Variants in CAMK2D observed in about 807,000 individuals in gnomAD.
CAMK2D encodes the protein calcium/calmodulin dependent protein kinase II delta, also known as calcium/calmodulin-dependent protein kinase type II subunit delta.
Under a neutral mutation model 84.0 loss-of-function variants are expected in CAMK2D, and 37 were observed. That is an observed-to-expected ratio of 0.44 (90% CI 0.34 to 0.58). The LOEUF is 0.58. CAMK2D is among the 20% of genes least tolerant of loss of function. The pLI is 0.02. For synonymous variants in CAMK2D, 202 were observed against 212.5 expected, an observed-to-expected ratio of 0.95 and a Z score of 0.43; for missense variants, 448 against 652.5, an observed-to-expected ratio of 0.69 and a Z score of 3.41.
Position 113,661,704 on chromosome 4 carries a change from C to T in CAMK2D, c.220+9G>A, listed in dbSNP as rs3775975. ...TAACATTTAAAAAACATTAAAAATA[C>T]GTTCTCACCAATATTAGGGTGCTTC... On this transcript the variant is annotated intron_variant, in intron 3 of 20. Transcript: ENST00000511664. 0.061 allele frequency: 77,031 copies of T among 1,264,376 alleles called. 3,507 individuals carry two copies. The highest frequency in any genetic ancestry group is 0.21 in the East Asian group (8,097 of 38,772). 78.3% of individuals were successfully genotyped at this position (1,264,376 alleles called of 1,614,324 possible). A position where few individuals can be genotyped will look rare whatever the true frequency, so the allele number is the denominator to read the frequency against.
intron 4 of CAMK2D, among the ~76,000 whole-genome samples, chr4:113,557,881 T>C (rs2098675798): frequency 6.6e-6 from 1 of 152,232 alleles, no homozygotes; most frequent in South Asian, 2.1e-4. Context: ...TACCTGTGCA[T>C]ATATAAAACA....
In CAMK2D at chr4:113,529,238, A is replaced by G. The variant is rs17046173; in HGVS notation, c.601+1978T>C. Among the ~76,000 whole-genome samples the G allele has an allele frequency of 4.1e-3, 621 of 152,298 alleles. 7 individuals carry two copies. Among genetic ancestry groups the G allele is most frequent in the African/African-American group, 0.013 (555 of 41,568 alleles). ...CTTCCCAGGCATGGAGGTAACTCTG[A>G]AAGCCCAAGATTCAATCAGTTTAAG... On this transcript the variant is annotated intron_variant, in intron 8 of 20. Coordinates refer to ENST00000511664, the MANE Select transcript of CAMK2D (RefSeq NM_001321571.2).
At chr4:113,488,771 A>G (rs1343038526) in intron 16 of CAMK2D, among the ~76,000 whole-genome samples, 1 of 152,212 alleles carries the variant, frequency 6.6e-6, no homozygotes, top group East Asian at 1.9e-4. Context: ...CTTTATTACT[A>G]TAGAGTGAGC....
intron 2 of CAMK2D, among the ~76,000 whole-genome samples, chr4:113,710,196 G>A (rs1428953495): frequency 1.3e-5 from 2 of 152,048 alleles, no homozygotes; most frequent in South Asian, 2.1e-4. Flanking sequence ...GATGATAGCA[G>A]GTTAAGTTAT....
At chr4:113,464,021 CA>C (rs1230501722) in intron 17 of CAMK2D, among the ~76,000 whole-genome samples, 13 of 152,218 alleles carry the variant, frequency 8.5e-5, no homozygotes, top group African/African-American at 2.6e-4. Flanking sequence ...ACAGATTATA[CA>C]ACAAAATATA....
intron 2 of CAMK2D, among the ~76,000 whole-genome samples, chr4:113,671,195 T>C (rs1334656508): frequency 6.6e-6 from 1 of 152,216 alleles, no homozygotes; most frequent in Non-Finnish European, 1.5e-5. Context: ...TTAGGTAGTT[T>C]AATACTAACA....
chr4:113,663,822 GATAAAC>G (rs2099246879), intron 2 of CAMK2D, among the ~76,000 whole-genome samples: 1 of 150,134 alleles, frequency 6.7e-6, no homozygotes, highest in South Asian at 2.1e-4. Flanking sequence ...TTGCTATAGA[GATAAAC>G]ATAACTATAA....
chr4:113,461,244 C>T (rs957404211), intron 17 of CAMK2D, among the ~76,000 whole-genome samples: 3 of 151,386 alleles, frequency 2.0e-5, no homozygotes, highest in Admixed American at 1.3e-4. Flanking sequence ...TTGGAAAAAA[C>T]CAATGAGCTT....
At chr4:113,493,370 T>G (rs2097873241) in intron 16 of CAMK2D, among the ~76,000 whole-genome samples, 1 of 150,748 alleles carries the variant, frequency 6.6e-6, no homozygotes, top group South Asian at 2.1e-4. Flanking sequence ...TTTGCTTGTC[T>G]GTAAAGTATT....
intron 2 of CAMK2D, among the ~76,000 whole-genome samples, chr4:113,670,408 C>T (rs2099275783): frequency 6.6e-6 from 1 of 151,974 alleles, no homozygotes; most frequent in African/African-American, 2.4e-5. Flanking sequence ...TTAGTTGGTG[C>T]ATGTTAAGAA....
rs76174885 is a variant in CAMK2D, at chr4:113,719,597, C to T, written c.160+39723G>A. On this transcript the variant is annotated intron_variant, in intron 2 of 20. Coordinates refer to ENST00000511664, the MANE Select transcript of CAMK2D (RefSeq NM_001321571.2). ...TACTTTGAAACAGAATGGAAATGAA[C>T]ACAACTGGTAGTTAACTAGCTAAAT... Among the ~76,000 whole-genome samples the T allele has an allele frequency of 8.9e-4, 135 of 152,276 alleles. No homozygotes were observed. The East Asian group carries it at 0.021, about 24-fold the overall frequency.
chr4:113,691,001 A>C (rs2099385474), intron 2 of CAMK2D, among the ~76,000 whole-genome samples: 1 of 152,208 alleles, frequency 6.6e-6, no homozygotes, highest in African/African-American at 2.4e-5. Context: ...TATTGCACTA[A>C]AGAAGTAATT....
intron 4 of CAMK2D, among the ~76,000 whole-genome samples, chr4:113,567,388 G>C (rs982372644): frequency 6.6e-6 from 1 of 151,792 alleles, no homozygotes; most frequent in Admixed American, 6.6e-5. Flanking sequence ...GGCTGCTCTC[G>C]ATCTCCTGAC....
At chr4:113,517,984 T>A (rs558437236) in intron 8 of CAMK2D, among the ~76,000 whole-genome samples, 1 of 152,326 alleles carries the variant, frequency 6.6e-6, no homozygotes, top group African/African-American at 2.4e-5. Flanking sequence ...ACTGCATTCT[T>A]ATCTATATAG....
At chr4:113,747,178 T>C (rs2099606245) in intron 2 of CAMK2D, among the ~76,000 whole-genome samples, 1 of 151,964 alleles carries the variant, frequency 6.6e-6, no homozygotes, top group Non-Finnish European at 1.5e-5. Flanking sequence ...ATCGAAGTTG[T>C]CTTCTAAGTG....
At chr4:113,719,636 A>T (rs2099524163) in intron 2 of CAMK2D, among the ~76,000 whole-genome samples, 1 of 152,224 alleles carries the variant, frequency 6.6e-6, no homozygotes, top group Non-Finnish European at 1.5e-5. Context: ...TATGATTCAC[A>T]AAACACTATC....
chr4:113,578,741 TA>T (rs2098795215), intron 4 of CAMK2D, among the ~76,000 whole-genome samples: 5 of 152,174 alleles, frequency 3.3e-5, no homozygotes, highest in African/African-American at 1.2e-4. Flanking sequence ...TTTCTTCCCC[TA>T]AACACTTGCA....
intron 2 of CAMK2D, among the ~76,000 whole-genome samples, chr4:113,714,616 C>T (rs930764413): frequency 6.6e-6 from 1 of 152,086 alleles, no homozygotes; most frequent in Non-Finnish European, 1.5e-5. Flanking sequence ...ATAGTCTCAT[C>T]ACAAGAGGAG....
At chr4:113,636,387 T>C (rs116769533) in intron 3 of CAMK2D, among the ~76,000 whole-genome samples, 108 of 152,352 alleles carry the variant, frequency 7.1e-4, no homozygotes, top group African/African-American at 2.5e-3. Context: ...TTCCAGCCTC[T>C]GCTTTGGCCC....
Sources: allele counts gnomAD v4.1 joint callset (sites outside exome capture counted in the v4.1 genomes callset), GRCh38; gene constraint gnomAD v4.1.1; transcripts MANE v1.5; gene names NCBI Gene and HGNC (gene_info 2026-07-23, HGNC 2026-07-21).